The following RBFOX1 variants were observed in gnomAD, a reference collection of about 807,000 sequenced individuals.
RBFOX1 encodes RNA binding protein fox-1 homolog 1.
In RBFOX1, 8 loss-of-function variants were observed where a neutral mutation model predicts 57.7. The observed-to-expected ratio is 0.14, with a 90% CI of 0.08 to 0.25. The LOEUF (loss-of-function observed/expected upper bound fraction) is 0.25, where lower values mean the gene tolerates loss of function less well. RBFOX1 is among the 10% of genes least tolerant of loss of function. The pLI is 1.00. For missense variants in RBFOX1, 611 were observed against 548.5 expected (o/e 1.11, Z -1.14); for synonymous variants, 326 against 222.4 (o/e 1.47, Z -4.15).
intron 4 of RBFOX1, among the ~76,000 whole-genome samples, chr16:7,385,245 G>C (rs879790034): frequency 4.6e-5 from 7 of 152,146 alleles, no homozygotes; most frequent in Admixed American, 2.6e-4. Context: ...GTGAAACATA[G>C]ACCAGTGGGG....
At chr16:5,364,086 C>T (rs1042477160) in intron 1 of RBFOX1, among the ~76,000 whole-genome samples, 1 of 152,216 alleles carries the variant, frequency 6.6e-6, no homozygotes, top group African/African-American at 2.4e-5. Context: ...CAGAAACTGG[C>T]AGCCAGGTCC....
At chr16:6,908,310 C>T (rs1242369808) in intron 3 of RBFOX1, among the ~76,000 whole-genome samples, 1 of 151,714 alleles carries the variant, frequency 6.6e-6, no homozygotes, top group African/African-American at 2.4e-5. Flanking sequence ...AGCCTCTGAC[C>T]ATGGCTTGGG....
intron 3 of RBFOX1, among the ~76,000 whole-genome samples, chr16:6,978,740 G>C (rs1337187685): frequency 6.6e-6 from 1 of 152,228 alleles, no homozygotes; most frequent in Non-Finnish European, 1.5e-5. Flanking sequence ...TTTGGAAGAA[G>C]GATTCGAACC....
At chr16:6,456,914 A>G (rs1438962276) in intron 2 of RBFOX1, among the ~76,000 whole-genome samples, 2 of 152,194 alleles carry the variant, frequency 1.3e-5, no homozygotes, top group Non-Finnish European at 2.9e-5. Flanking sequence ...ATTGGGTCTT[A>G]GTGAGAAGAT....
intron 4 of RBFOX1, among the ~76,000 whole-genome samples, chr16:7,502,392 C>A (rs1033385183): frequency 2.0e-5 from 3 of 152,134 alleles, no homozygotes; most frequent in African/African-American, 7.2e-5. Context: ...AAAATACAGG[C>A]AGATGCTTGG....
intron 1 of RBFOX1, among the ~76,000 whole-genome samples, chr16:5,408,294 C>G (rs1429671455): frequency 6.6e-6 from 1 of 152,214 alleles, no homozygotes; most frequent in Non-Finnish European, 1.5e-5. Flanking sequence ...GTTTTAAGTG[C>G]TTGAACTCAG....
chr16:7,511,924 C>T (rs529287277), intron 4 of RBFOX1, among the ~76,000 whole-genome samples: 23 of 152,166 alleles, frequency 1.5e-4, no homozygotes, highest in Admixed American at 1.0e-3. Context: ...TATTGAGCAA[C>T]AACTCAAGAA....
chr16:6,619,687 C>CTTTTTTTTTTTTTTTTT (rs34849467), intron 2 of RBFOX1, among the ~76,000 whole-genome samples: 1 of 117,948 alleles, frequency 8.5e-6, no homozygotes, highest in African/African-American at 3.2e-5. Context: ...TGTTGGTTTC[C>CTTTTTTTTTTTTTTTTT]TTTTTTTTTT....
At chr16:6,099,771 C>T (rs1180348288) in intron 1 of RBFOX1, among the ~76,000 whole-genome samples, 2 of 152,164 alleles carry the variant, frequency 1.3e-5, no homozygotes, top group Non-Finnish European at 2.9e-5. Flanking sequence ...CGAAATAAGA[C>T]AAATAAAATA....
At chr16:7,085,985 G>C (rs1377786381) in intron 4 of RBFOX1, among the ~76,000 whole-genome samples, 1 of 152,132 alleles carries the variant, frequency 6.6e-6, no homozygotes, top group African/African-American at 2.4e-5. Context: ...GCCTGATTGA[G>C]AACTTGTCAG....
intron 3 of RBFOX1, among the ~76,000 whole-genome samples, chr16:6,990,936 AACC>A (rs1178100974): frequency 2.0e-5 from 3 of 152,046 alleles, no homozygotes; most frequent in Non-Finnish European, 2.9e-5. Context: ...TGCCAATGAG[AACC>A]ACCACATTGT....
intron 3 of RBFOX1, among the ~76,000 whole-genome samples, chr16:5,853,948 A>T (rs1235321624): frequency 6.6e-6 from 1 of 152,162 alleles, no homozygotes; most frequent in African/African-American, 2.4e-5. Context: ...AAATGGTATG[A>T]TTATTTTGTG....
chr16:7,648,214 A>ATTAT (rs201776269), intron 11 of RBFOX1, among the ~76,000 whole-genome samples: 1 of 152,008 alleles, frequency 6.6e-6, no homozygotes, highest in African/African-American at 2.4e-5. Context: ...TGAGGAAAAA[A>ATTAT]TTATTTATTT....
At position 7,029,046 on chromosome 16, in the gene RBFOX1, C is replaced by CTATATA. The variant is rs1225538161; in HGVS notation, c.-15-22980_-15-22975dup. ...TAAGCATAAAACAGAAAAAAAAAAG[C>CTATATA]TATATATATATATATATATATATAT... On this transcript the variant is annotated intron_variant, in intron 3 of 15. Transcript: ENST00000550418. Among the ~76,000 whole-genome samples, 284 of 45,102 alleles carry CTATATA rather than the reference C, an allele frequency of 6.3e-3. 8 individuals carry two copies. Among genetic ancestry groups the CTATATA allele is most frequent in the Non-Finnish European group, 8.3e-3 (221 of 26,740 alleles). The allele number at this position is 45,102 out of a possible 152,430, so 29.6% of individuals were successfully genotyped here. A position where few individuals can be genotyped will look rare whatever the true frequency, so the allele number is the denominator to read the frequency against.
At chr16:5,977,439 T>G (rs2060087682) in intron 4 of RBFOX1, among the ~76,000 whole-genome samples, 2 of 152,078 alleles carry the variant, frequency 1.3e-5, no homozygotes, top group Admixed American at 1.3e-4. Flanking sequence ...GGGAAACCTG[T>G]GTGTGCGGTG....
At chr16:7,376,226 A>T (rs574721667) in intron 4 of RBFOX1, among the ~76,000 whole-genome samples, 125 of 152,366 alleles carry the variant, frequency 8.2e-4, no homozygotes, top group African/African-American at 3.0e-3. Context: ...AAGCTGTTTT[A>T]GATGAAATTC....
chr16:6,339,225 G>A (rs2084185797), intron 2 of RBFOX1, among the ~76,000 whole-genome samples: 1 of 152,224 alleles, frequency 6.6e-6, no homozygotes, highest in Admixed American at 6.5e-5. Flanking sequence ...CAATTGAGGA[G>A]TGTCCTTAGA....
chr16:5,330,676 A>C (rs1348556665), intron 1 of RBFOX1, among the ~76,000 whole-genome samples: 3 of 149,244 alleles, frequency 2.0e-5, no homozygotes, highest in Non-Finnish European at 4.4e-5. Flanking sequence ...AAGTGCTGGG[A>C]TTACAGGTGT....
chr16:6,483,416 C>G (rs2095406928), intron 2 of RBFOX1: 1 of 1,535,106 alleles, frequency 6.5e-7, no homozygotes, highest in South Asian at 1.2e-5. Flanking sequence ...ATTGCTAGCA[C>G]GTGGGTGCCG....
Sources: gnomAD v4.1 joint callset for allele counts (sites outside exome capture counted in the v4.1 genomes callset) on GRCh38, gnomAD v4.1.1 for gene constraint, MANE v1.5 for transcripts, NCBI Gene and HGNC (gene_info 2026-07-23, HGNC 2026-07-21) for gene names.